Variants in CD99L2 observed in about 807,000 individuals in gnomAD.
CD99L2 encodes CD99 antigen-like protein 2.
Under a neutral mutation model 27.3 loss-of-function variants are expected in CD99L2, and 24 were observed. The observed-to-expected ratio is 0.88, with a 90% CI of 0.64 to 1.24. CD99L2 has a LOEUF of 1.24. Among genes scored for constraint, CD99L2 ranks in the 50% most tolerant of loss-of-function variants. The pLI, the probability that CD99L2 is intolerant of heterozygous loss-of-function variation, is 0.00. For missense variants in CD99L2, 255 were observed against 221.6 expected (o/e 1.15, Z -0.96); for synonymous variants, 97 against 87.9 (o/e 1.10, Z -0.58).
At chrX:150,879,142 G>A (rs940803560) in intron 1 of CD99L2, among the ~76,000 whole-genome samples, 3 of 111,891 alleles carry the variant, frequency 2.7e-5, no homozygotes, top group Admixed American at 9.5e-5. Context: ...CCTGGTGGCC[G>A]TAGAGAAACC....
chrX:150,844,822 A>G (rs1292793873), intron 1 of CD99L2, among the ~76,000 whole-genome samples: 1 of 111,251 alleles, frequency 9.0e-6, no homozygotes, highest in Non-Finnish European at 1.9e-5. Context: ...AGTGGCCATA[A>G]GAGGTCTGAC....
intron 1 of CD99L2, among the ~76,000 whole-genome samples, chrX:150,857,368 A>G (rs2046908023): frequency 9.0e-6 from 1 of 110,838 alleles, no homozygotes. Flanking sequence ...ACAGCAAGAG[A>G]AAAGCATCTA....
chrX:150,777,286 T>C, intron 8 of CD99L2, 158 bp downstream of exon 8: 2 of 623,518 alleles, frequency 3.2e-6, no homozygotes, highest in Admixed American at 7.0e-5. Context: ...TGCAGCTTTT[T>C]CCATCTTTGC....
At chrX:150,833,234 T>C (rs1220111226) in intron 1 of CD99L2, among the ~76,000 whole-genome samples, 3 of 110,001 alleles carry the variant, frequency 2.7e-5, no homozygotes, top group South Asian at 3.9e-4. Context: ...AAATACTGAG[T>C]AGCAAACTTA....
chrX:150,809,973 T>C (rs923529320), intron 4 of CD99L2, among the ~76,000 whole-genome samples: 25 of 112,225 alleles, frequency 2.2e-4, no homozygotes, highest in Middle Eastern at 4.6e-3. Flanking sequence ...GAAACAAAAG[T>C]TGATAGAGCT....
chrX:150,786,636 G>A (rs2045599248), intron 7 of CD99L2, among the ~76,000 whole-genome samples: 1 of 111,963 alleles, frequency 8.9e-6, no homozygotes, highest in South Asian at 3.7e-4. Flanking sequence ...GGGCACTTAG[G>A]TTGATTCCGT....
At chrX:150,824,601 G>GAAGAGAAGAAGA (rs2046332531) in intron 2 of CD99L2, among the ~76,000 whole-genome samples, 3 of 92,580 alleles carry the variant, frequency 3.2e-5, no homozygotes, top group Admixed American at 1.2e-4. Context: ...GAAGAAGAAG[G>GAAGAGAAGAAGA]AGGAGAAGAA....
intron 1 of CD99L2, among the ~76,000 whole-genome samples, chrX:150,889,877 G>A (rs1172043550): frequency 8.9e-6 from 1 of 112,424 alleles, no homozygotes; most frequent in African/African-American, 3.2e-5. Flanking sequence ...TGCTAGCCGG[G>A]CGCGGTGGCT....
Position 150,767,600 on chromosome X carries a change from A to G in CD99L2, c.*1434T>C, listed in dbSNP as rs2043333703. ...GATGCATGTGGGGGCTGCAGATTCC[A>G]GTGGTTTCCTTAAGAAACTGGAGTT... On this transcript the variant is annotated 3_prime_UTR_variant, in exon 11 of 11. Transcript: ENST00000370377. The G allele has an allele frequency of 8.9e-6, 1 of 111,733 alleles. No homozygotes were observed. Among genetic ancestry groups the G allele is most frequent in the Admixed American group, 9.4e-5 (1 of 10,611 alleles). The allele number at this position is 111,733 out of a possible 1,213,427, so 9.2% of individuals were successfully genotyped here.
At chrX:150,894,603 T>C (rs1405870219) in intron 1 of CD99L2, among the ~76,000 whole-genome samples, 1 of 107,090 alleles carries the variant, frequency 9.3e-6, no homozygotes, top group African/African-American at 3.5e-5. Context: ...GTGTGTGTGT[T>C]TTAAGACAGG....
At chrX:150,884,918 TCAAACAG>T (rs1346838657) in intron 1 of CD99L2, among the ~76,000 whole-genome samples, 3 of 112,052 alleles carry the variant, frequency 2.7e-5, no homozygotes, top group Admixed American at 9.5e-5. Context: ...TGTGATATAG[TCAAACAG>T]TGGAATAACA....
intron 4 of CD99L2, among the ~76,000 whole-genome samples, chrX:150,798,500 G>A (rs782032457): frequency 3.6e-5 from 4 of 110,601 alleles, no homozygotes; most frequent in South Asian, 3.9e-4. Context: ...GAATGACTTC[G>A]GACCCTGACC....
intron 1 of CD99L2, among the ~76,000 whole-genome samples, chrX:150,848,230 C>T (rs1327828345): frequency 2.8e-5 from 3 of 108,792 alleles, no homozygotes; most frequent in African/African-American, 6.7e-5. Context: ...AATAAAATAA[C>T]GGCAAGTGGT....
At position 150,824,554 on chromosome X, in the gene CD99L2, GAAGA is replaced by G. The variant is rs1176962995; in HGVS notation, c.130+6673_130+6676del. Among the ~76,000 whole-genome samples the G allele has an allele frequency of 2.4e-3, 212 of 88,388 alleles. 1 individual carries two copies. The highest frequency in any genetic ancestry group is 8.5e-3 in the African/African-American group (208 of 24,341). The allele number at this position is 88,388 out of a possible 115,157, so 76.8% of individuals were successfully genotyped here. A position where few individuals can be genotyped will look rare whatever the true frequency, so the allele number is the denominator to read the frequency against. ...AGAAGAAAGAAGGAAGAAGGAAGAA[GAAGA>G]AAGAAGGAGGAGGAGGAGGAGGAGA... On this transcript the variant is annotated intron_variant, in intron 2 of 10. Transcript: ENST00000370377.
chrX:150,783,261 C>A (rs186308680), intron 7 of CD99L2, among the ~76,000 whole-genome samples: 1 of 111,099 alleles, frequency 9.0e-6, no homozygotes, highest in Admixed American at 9.6e-5. Context: ...TGTAACAAAC[C>A]TGCACGTTCT....
intron 7 of CD99L2, among the ~76,000 whole-genome samples, chrX:150,787,892 A>ATATATATATATATG (rs2045623054): frequency 3.5e-5 from 1 of 28,400 alleles, no homozygotes; most frequent in Non-Finnish European, 5.6e-5. Flanking sequence ...CTTAAAGTAT[A>ATATATATATATATG]TATATATATA....
At chrX:150,770,504 C>T in intron 9 of CD99L2, 135 bp from the exon 10 acceptor site, 2 of 491,450 alleles carry the variant, frequency 4.1e-6, no homozygotes, top group Non-Finnish European at 7.0e-6. Context: ...AAACCCTGCA[C>T]CCTGAGCCAC....
rs1358192621 is a variant in CD99L2, at chrX:150,768,078, C to T, written c.*956G>A. On this transcript the variant is annotated 3_prime_UTR_variant, in exon 11 of 11. Coordinates refer to ENST00000370377, the MANE Select transcript of CD99L2 (RefSeq NM_031462.4). ...CTAAACCAAGCGAATGTCTCTTTCCCCTCTCCTCCCCCGCCGCCCCCAATT... is the reference window on the plus strand; with the variant it reads ...CTAAACCAAGCGAATGTCTCTTTCCTCTCTCCTCCCCCGCCGCCCCCAATT... 1 of 111,720 alleles carries T rather than the reference C, an allele frequency of 9.0e-6. No individual in the cohort carries two copies. Among genetic ancestry groups the T allele is most frequent in the Non-Finnish European group, 1.9e-5 (1 of 53,108 alleles). The allele number at this position is 111,720 out of a possible 1,213,427, so 9.2% of individuals were successfully genotyped here. A position where few individuals can be genotyped will look rare whatever the true frequency, so the allele number is the denominator to read the frequency against.
intron 1 of CD99L2, among the ~76,000 whole-genome samples, chrX:150,838,866 C>CG (rs2046575132): frequency 2.9e-5 from 2 of 68,928 alleles, no homozygotes; most frequent in African/African-American, 1.3e-4. Context: ...AAAACATGAA[C>CG]TTTAACATAG....
Sources: allele counts gnomAD v4.1 joint callset (sites outside exome capture counted in the v4.1 genomes callset), GRCh38; gene constraint gnomAD v4.1.1; transcripts MANE v1.5; gene names NCBI Gene and HGNC (gene_info 2026-07-23, HGNC 2026-07-21).